Variants in CTNND2 observed in about 807,000 individuals in gnomAD.
CTNND2 encodes catenin delta 2.
Under a neutral mutation model 144.4 loss-of-function variants are expected in CTNND2, and 22 were observed. The ratio of observed to expected loss-of-function variants is 0.15; its 90% CI spans 0.11 to 0.22. CTNND2 has a LOEUF of 0.22. Ranked by LOEUF, CTNND2 falls within the 10% of genes least tolerant of loss-of-function variation. The pLI, the probability that CTNND2 is intolerant of heterozygous loss-of-function variation, is 1.00. For missense variants in CTNND2, 1,353 were observed against 1,618.8 expected, an observed-to-expected ratio of 0.84 and a Z score of 2.82; for synonymous variants, 751 against 695.6, an observed-to-expected ratio of 1.08 and a Z score of -1.25.
intron 12 of CTNND2, among the ~76,000 whole-genome samples, chr5:11,123,162 C>T (rs1313407876): frequency 6.6e-5 from 10 of 152,170 alleles, no homozygotes; most frequent in Non-Finnish European, 1.3e-4. Context: ...GCTCCAGGCA[C>T]AAGCTTCTCT....
At position 11,346,927 on chromosome 5, in the gene CTNND2, GAAGAAATATAGAGAATACTTTCT is replaced by G. The variant is rs1610901; in HGVS notation, c.1373-323_1373-301del. Among the ~76,000 whole-genome samples the G allele has an allele frequency of 0.26, 39,735 of 151,984 alleles. 5,622 individuals carry two copies. The highest frequency in any genetic ancestry group is 0.34 in the Admixed American group (5,243 of 15,262). ...GCTGCAATATAAACTTTGTGCATAA[GAAGAAATATAGAGAATACTTTCT>G]AAGGAGGCATGGGAAGTTAATTCTT... On this transcript the variant is annotated intron_variant, in intron 8 of 21. Transcript: ENST00000304623.
At chr5:11,684,497 TTAGGG>T (rs1318631076) in intron 2 of CTNND2, among the ~76,000 whole-genome samples, 1 of 152,236 alleles carries the variant, frequency 6.6e-6, no homozygotes, top group African/African-American at 2.4e-5. Context: ...TTATTTTAAA[TTAGGG>T]TAGAACATTC....
At chr5:11,160,277 A>G (rs997606069) in intron 11 of CTNND2, among the ~76,000 whole-genome samples, 1 of 152,216 alleles carries the variant, frequency 6.6e-6, no homozygotes, top group Non-Finnish European at 1.5e-5. Flanking sequence ...TCAACAAGCA[A>G]TTTAAACTGT....
chr5:11,218,297 C>G (rs1402915680), intron 10 of CTNND2, among the ~76,000 whole-genome samples: 1 of 152,100 alleles, frequency 6.6e-6, no homozygotes, highest in African/African-American at 2.4e-5. Flanking sequence ...TCATAATTCT[C>G]CAGAATTGAC....
At chr5:11,049,551 A>G (rs1027810497) in intron 16 of CTNND2, among the ~76,000 whole-genome samples, 14 of 152,306 alleles carry the variant, frequency 9.2e-5, no homozygotes, top group African/African-American at 3.4e-4. Context: ...CCCCACGGAT[A>G]CCCTGGCAAG....
In CTNND2 at chr5:11,240,288, C is replaced by A. The variant is rs555022343; in HGVS notation, c.1629-3465G>T. Among the ~76,000 whole-genome samples the A allele has an allele frequency of 3.5e-3, 418 of 118,996 alleles. 3 individuals carry two copies. The highest frequency in any genetic ancestry group is 0.014 in the Middle Eastern group (2 of 146). 78.1% of individuals were successfully genotyped at this position (118,996 alleles called of 152,430 possible). A position where few individuals can be genotyped will look rare whatever the true frequency, so the allele number is the denominator to read the frequency against. On this transcript the variant is annotated intron_variant, in intron 9 of 21. Transcript: ENST00000304623. ...CACACACACCCAACACACACACACT[C>A]AAACACACACCCAACACACATACAC...
chr5:11,116,296 T>G (rs562430567), intron 13 of CTNND2, among the ~76,000 whole-genome samples: 67 of 152,254 alleles, frequency 4.4e-4, no homozygotes, highest in African/African-American at 1.5e-3. Context: ...TGTTTGTTAC[T>G]GGGGTGGGGA....
chr5:11,055,915 G>A (rs1230074279), intron 16 of CTNND2, among the ~76,000 whole-genome samples: 1 of 152,212 alleles, frequency 6.6e-6, no homozygotes, highest in Non-Finnish European at 1.5e-5. Flanking sequence ...GACACAGAAA[G>A]CCAACCTGCA....
intron 16 of CTNND2, among the ~76,000 whole-genome samples, chr5:11,052,237 A>C (rs1177520294): frequency 6.6e-6 from 1 of 152,176 alleles, no homozygotes; most frequent in Non-Finnish European, 1.5e-5. Flanking sequence ...TTCCATGATG[A>C]AACAGAGCAA....
intron 2 of CTNND2, among the ~76,000 whole-genome samples, chr5:11,726,764 C>T (rs1787046474): frequency 6.6e-6 from 1 of 152,092 alleles, no homozygotes. Flanking sequence ...CTTGATAGCT[C>T]CAGTGCTCTG....
intron 1 of CTNND2, among the ~76,000 whole-genome samples, chr5:11,777,713 T>C (rs940398098): frequency 1.3e-5 from 2 of 152,190 alleles, no homozygotes; most frequent in Admixed American, 1.3e-4. Flanking sequence ...AAAATTCTTC[T>C]ATATCCAACA....
At chr5:11,086,297 G>A (rs1373701481) in intron 15 of CTNND2, among the ~76,000 whole-genome samples, 3 of 152,094 alleles carry the variant, frequency 2.0e-5, no homozygotes, top group Non-Finnish European at 2.9e-5. Context: ...CAATCACCAC[G>A]TCCATGTGTG....
intron 1 of CTNND2, among the ~76,000 whole-genome samples, chr5:11,769,295 G>A (rs143389457): frequency 6.6e-6 from 1 of 152,250 alleles, no homozygotes; most frequent in Non-Finnish European, 1.5e-5. Flanking sequence ...TGAAGGTGAT[G>A]CGCACCAGGT....
Position 11,594,037 on chromosome 5 carries a change from A to G in CTNND2, c.175-28981T>C, listed in dbSNP as rs140795966. Among the ~76,000 whole-genome samples the G allele has an allele frequency of 3.3e-3, 497 of 152,314 alleles. 1 individual carries two copies. The highest frequency in any genetic ancestry group is 0.011 in the African/African-American group (471 of 41,572). ...TTCTTCTAAAATTCTTGATAAACAT[A>G]CTCTGTTTCTCAGCAATTCTACTCG... On this transcript the variant is annotated intron_variant, in intron 2 of 21. Coordinates refer to ENST00000304623, the MANE Select transcript of CTNND2 (RefSeq NM_001332.4).
chr5:11,158,103 A>T (rs1055383734), intron 12 of CTNND2, among the ~76,000 whole-genome samples: 2 of 152,210 alleles, frequency 1.3e-5, no homozygotes, highest in Admixed American at 1.3e-4. Flanking sequence ...ATTTTAACAG[A>T]CAGAGCTAGC....
At chr5:11,312,041 TCA>T (rs1055765744) in intron 9 of CTNND2, among the ~76,000 whole-genome samples, 10 of 131,594 alleles carry the variant, frequency 7.6e-5, no homozygotes, top group African/African-American at 2.9e-4. Flanking sequence ...ACACACACAC[TCA>T]CACACACTTG....
At chr5:11,392,322 T>G (rs1363383487) in intron 6 of CTNND2, among the ~76,000 whole-genome samples, 1 of 152,132 alleles carries the variant, frequency 6.6e-6, no homozygotes, top group Admixed American at 6.5e-5. Flanking sequence ...GGTCTACCAG[T>G]GGAAAGAAAA....
chr5:11,594,651 G>A (rs1779416726), intron 2 of CTNND2, among the ~76,000 whole-genome samples: 1 of 152,048 alleles, frequency 6.6e-6, no homozygotes, highest in Admixed American at 6.5e-5. Flanking sequence ...TGGCCCTTTG[G>A]ACAAATAATC....
At chr5:11,665,850 T>A (rs1349789285) in intron 2 of CTNND2, among the ~76,000 whole-genome samples, 1 of 152,140 alleles carries the variant, frequency 6.6e-6, no homozygotes, top group Non-Finnish European at 1.5e-5. Flanking sequence ...AGGGTTATCC[T>A]CCTGTTTCAT....
Sources: gnomAD v4.1 joint callset for allele counts (sites outside exome capture counted in the v4.1 genomes callset) on GRCh38, gnomAD v4.1.1 for gene constraint, MANE v1.5 for transcripts, NCBI Gene and HGNC (gene_info 2026-07-23, HGNC 2026-07-21) for gene names.